PIK3R5: variants seen among roughly 807,000 people sequenced by gnomAD.
PIK3R5 encodes phosphoinositide-3-kinase regulatory subunit 5, also known as phosphoinositide 3-kinase regulatory subunit 5.
Under a neutral mutation model 94.9 loss-of-function variants are expected in PIK3R5, and 32 were observed. The ratio of observed to expected loss-of-function variants is 0.34; its 90% CI spans 0.25 to 0.45. The LOEUF is 0.45. PIK3R5 is among the 20% of genes least tolerant of loss of function. The probability of loss-of-function intolerance (pLI) is 1.00; values close to 1 mark genes in which losing one functional copy is unlikely to be tolerated. For synonymous variants in PIK3R5, 443 were observed against 479.4 expected, an observed-to-expected ratio of 0.92 and a Z score of 0.99; for missense variants, 853 against 1,144.6, an observed-to-expected ratio of 0.75 and a Z score of 3.68.
In PIK3R5 at chr17:8,904,704, A is replaced by G. The variant is rs1391629253; in HGVS notation, c.412+73T>C. On this transcript the variant is annotated intron_variant, in intron 5 of 18. Transcript: ENST00000447110. This position sits in a 1 kb window ranked among gnomAD's most constrained non-coding sequence, Gnocchi z 5.1. ...TGCAAGGTAAGGAGGGTCACAAAAA[A>G]CAGTTTCAGAGGAGTTGGAAGCATT... 3 of 1,504,430 alleles carry G rather than the reference A, an allele frequency of 2.0e-6. No homozygotes were observed. The highest frequency in any genetic ancestry group is 2.7e-6 in the Non-Finnish European group (3 of 1,094,546). 93.2% of individuals were successfully genotyped at this position (1,504,430 alleles called of 1,614,324 possible).
At chr17:8,924,189 C>T (rs1450867475) in intron 1 of PIK3R5, among the ~76,000 whole-genome samples, 1 of 151,318 alleles carries the variant, frequency 6.6e-6, no homozygotes, top group Non-Finnish European at 1.5e-5. Context: ...AGCGATCCTC[C>T]TGCCTCAGCC....
rs2089629484 is a variant in PIK3R5 at position 8,880,619 on chromosome 17, A to G, written c.*20T>C. On this transcript the variant is annotated 3_prime_UTR_variant, in exon 19 of 19. Coordinates refer to ENST00000447110, the MANE Select transcript of PIK3R5 (RefSeq NM_001142633.3). ...GGAGGTTGCCCCAGGGCTTCTGTCC[A>G]GTCTGGCGCTGGGCCCACACTAGGG... The G allele has an allele frequency of 6.3e-7, 1 of 1,584,522 alleles. No individual in the cohort carries two copies. Among genetic ancestry groups the G allele is most frequent in the African/African-American group, 1.3e-5 (1 of 74,430 alleles).
intron 1 of PIK3R5, among the ~76,000 whole-genome samples, chr17:8,940,649 C>T (rs1234789028): frequency 6.6e-6 from 1 of 152,198 alleles, no homozygotes; most frequent in African/African-American, 2.4e-5. Context: ...CAACCTCCGC[C>T]TCCCAGGTTC....
chr17:8,903,631 G>A (rs1375838268), intron 5 of PIK3R5, among the ~76,000 whole-genome samples: 2 of 151,666 alleles, frequency 1.3e-5, no homozygotes, highest in Middle Eastern at 3.2e-3. Context: ...CCAGCAATAC[G>A]ATTCTTCAAT....
chr17:8,949,107 A>G (rs143526411), intron 1 of PIK3R5, among the ~76,000 whole-genome samples: 446 of 152,304 alleles, frequency 2.9e-3, no homozygotes, highest in Admixed American at 7.9e-3. Context: ...CCTTTAGGGA[A>G]ATGCTGGCAG....
Position 8,893,179 on chromosome 17 carries a change from T to C in PIK3R5, c.482+407A>G, listed in dbSNP as rs371111171. ...TGTTTTAGTAACAGACAGAAGGAGA[T>C]TGTGGAAATATCATGGGCTTCTGAA... is the stretch of plus-strand genomic sequence containing the variant. On this transcript the variant is annotated intron_variant, in intron 6 of 18. Coordinates refer to ENST00000447110, the MANE Select transcript of PIK3R5 (RefSeq NM_001142633.3). This position sits in a 1 kb window ranked among gnomAD's most constrained non-coding sequence, Gnocchi z 5.1. Among the ~76,000 whole-genome samples, 5 of 151,090 alleles carry C rather than the reference T, an allele frequency of 3.3e-5. No homozygotes were observed. The East Asian group carries it at 5.8e-4, about 18-fold the overall frequency.
In PIK3R5 at chr17:8,884,313, C is replaced by G. The variant is rs1011254757; in HGVS notation, c.2205+394G>C. Among the ~76,000 whole-genome samples, 2 of 152,104 alleles carry G rather than the reference C, an allele frequency of 1.3e-5. No individual in the cohort carries two copies. Among genetic ancestry groups the G allele is most frequent in the Non-Finnish European group, 2.9e-5 (2 of 68,004 alleles). ...CCCACAGCTCTCCTCACTCCTTTCT[C>G]ACGCCAATCCCATCTTGCATGCAGC... On this transcript the variant is annotated intron_variant, in intron 15 of 18. Coordinates refer to ENST00000447110, the MANE Select transcript of PIK3R5 (RefSeq NM_001142633.3). This position sits in a 1 kb window ranked among gnomAD's most constrained non-coding sequence, Gnocchi z 5.8.
intron 1 of PIK3R5, among the ~76,000 whole-genome samples, chr17:8,931,533 T>C (rs908097505): frequency 1.3e-5 from 2 of 152,106 alleles, no homozygotes; most frequent in East Asian, 1.9e-4. Flanking sequence ...GTTTGAAGCA[T>C]AGAGGTAGAA....
intron 1 of PIK3R5, among the ~76,000 whole-genome samples, chr17:8,920,149 G>A (rs2090710391): frequency 6.6e-6 from 1 of 152,060 alleles, no homozygotes. Flanking sequence ...CTCCCAAAGT[G>A]CTGGGATTAC....
chr17:8,890,371 C>T lies in PIK3R5; in HGVS notation c.658-245G>A, dbSNP rs1210223684. On this transcript the variant is annotated intron_variant, in intron 7 of 18. Coordinates refer to ENST00000447110, the MANE Select transcript of PIK3R5 (RefSeq NM_001142633.3). This position sits in a 1 kb window ranked among gnomAD's most constrained non-coding sequence, Gnocchi z 6.1. ...TTAGGAGGGACTTCAGCGCTCCTCA[C>T]TGTACCCCATAGAGGGGAAGGAGCT... Among the ~76,000 whole-genome samples, 1 of 152,222 alleles carries T rather than the reference C, an allele frequency of 6.6e-6. No homozygotes were observed. Among genetic ancestry groups the T allele is most frequent in the Non-Finnish European group, 1.5e-5 (1 of 68,034 alleles).
rs201253539 is a variant in PIK3R5 at position 8,925,202 on chromosome 17, G to GGATA, written c.-13-13699_-13-13696dup. 1.3e-5 allele frequency among the ~76,000 whole-genome samples: 2 copies of GGATA among 150,756 alleles called. No individual in the cohort carries two copies. Among genetic ancestry groups the GGATA allele is most frequent in the African/African-American group, 4.9e-5 (2 of 40,892 alleles). ...GTAGATAGATAGACAGAAAGTAGAT[G>GGATA]GATAGATAGATAGATAGTAGATGGA... is the stretch of plus-strand genomic sequence containing the variant. On this transcript the variant is annotated intron_variant, in intron 1 of 18. Transcript: ENST00000447110. This position sits in a 1 kb window ranked among gnomAD's most constrained non-coding sequence, Gnocchi z 5.1.
chr17:8,898,252 C>A (rs969104266), intron 5 of PIK3R5, among the ~76,000 whole-genome samples: 1 of 152,218 alleles, frequency 6.6e-6, no homozygotes, highest in African/African-American at 2.4e-5. Flanking sequence ...TCTGAATTCA[C>A]CTGCCACCCG....
chr17:8,907,278 G>T (rs919572154), intron 3 of PIK3R5, among the ~76,000 whole-genome samples: 3 of 151,722 alleles, frequency 2.0e-5, no homozygotes, highest in Non-Finnish European at 4.4e-5. Flanking sequence ...TGATCCGCCC[G>T]CCTTGGCTTC....
At chr17:8,946,632 T>A (rs940667253) in intron 1 of PIK3R5, among the ~76,000 whole-genome samples, 10 of 152,134 alleles carry the variant, frequency 6.6e-5, no homozygotes, top group African/African-American at 2.4e-4. Flanking sequence ...GCTGCAAAGA[T>A]GACTAATACA....
intron 1 of PIK3R5, among the ~76,000 whole-genome samples, chr17:8,946,197 G>A (rs1235119971): frequency 2.0e-5 from 3 of 152,134 alleles, no homozygotes; most frequent in East Asian, 3.9e-4. Flanking sequence ...TACACATCTG[G>A]TGTGACTGCC....
At chr17:8,897,001 G>A (rs1189157463) in intron 5 of PIK3R5, among the ~76,000 whole-genome samples, 1 of 152,188 alleles carries the variant, frequency 6.6e-6, no homozygotes, top group African/African-American at 2.4e-5. Context: ...CTCATACCCT[G>A]AAGCAAACAC....
intron 1 of PIK3R5, among the ~76,000 whole-genome samples, chr17:8,926,269 G>A (rs2090882488): frequency 6.6e-6 from 1 of 152,170 alleles, no homozygotes; most frequent in Admixed American, 6.5e-5. Flanking sequence ...ATGGGCTAAG[G>A]AGAGAGAAGT....
chr17:8,892,691 A>G lies in PIK3R5; in HGVS notation c.482+895T>C, dbSNP rs1439093052. Among the ~76,000 whole-genome samples, 1 of 152,128 alleles carries G rather than the reference A, an allele frequency of 6.6e-6. No homozygotes were observed. Among genetic ancestry groups the G allele is most frequent in the African/African-American group, 2.4e-5 (1 of 41,416 alleles). ...ATCCTTTCCCTCTGTCTCAACATCT[A>G]TCATTTTGTTTGTGTTTGTTTTCAC... On this transcript the variant is annotated intron_variant, in intron 6 of 18. Transcript: ENST00000447110. The surrounding 1 kb of genome is among the most constrained non-coding windows in gnomAD (Gnocchi z 4.3).
intron 14 of PIK3R5, 97 bp downstream of exon 14, chr17:8,886,132 A>ATGGCCCCACCTCCCAGG: frequency 1.1e-6 from 1 of 892,428 alleles, no homozygotes; most frequent in Non-Finnish European, 1.8e-6. Context: ...CCACCTTCCC[A>ATGGCCCCACCTCCCAGG]TGGCCCCACC....
Sources: gnomAD v4.1 joint callset for allele counts (sites outside exome capture counted in the v4.1 genomes callset) on GRCh38, gnomAD v4.1.1 for gene constraint, Gnocchi (gnomAD v3.1) non-coding constraint, MANE v1.5 for transcripts, NCBI Gene and HGNC (gene_info 2026-07-23, HGNC 2026-07-21) for gene names.